Variants in OTULIN observed in about 807,000 individuals in gnomAD.
OTULIN encodes ubiquitin thioesterase otulin.
Under a neutral mutation model 39.6 loss-of-function variants are expected in OTULIN, and 15 were observed. The observed-to-expected ratio is 0.38, with a 90% confidence interval of 0.25 to 0.58. The LOEUF is 0.58. Ranked by LOEUF, OTULIN falls within the 20% of genes least tolerant of loss-of-function variation. OTULIN has a pLI of 0.66. For missense variants in OTULIN, 319 were observed against 445.9 expected (o/e 0.72, Z 2.56); for synonymous variants, 156 against 170.3 (o/e 0.92, Z 0.65).
rs181297196 is a variant in OTULIN, at chr5:14,664,724, C to G, written c.-102C>G. The G allele has an allele frequency of 2.8e-6, 3 of 1,067,856 alleles. No homozygotes were observed. Among genetic ancestry groups the G allele is most frequent in the Non-Finnish European group, 3.4e-6 (3 of 878,736 alleles). The allele number at this position is 1,067,856 out of a possible 1,614,324, so 66.1% of individuals were successfully genotyped here. ...AAGCGCTCTGCGGGCCCTCGGAAAC[C>G]GCCCCGGCGGCTGAGAGGCTGCGGC... On this transcript the variant is annotated 5_prime_UTR_variant, in exon 1 of 7. Transcript: ENST00000284274.
At chr5:14,669,883 G>A (rs1156824906) in intron 1 of OTULIN, among the ~76,000 whole-genome samples, 1 of 152,206 alleles carries the variant, frequency 6.6e-6, no homozygotes, top group African/African-American at 2.4e-5. Context: ...AGGGTAATTA[G>A]CATGTCCATC....
chr5:14,713,545 C>T, the OTULIN span: 1 of 1,614,158 alleles, frequency 6.2e-7, no homozygotes, highest in Non-Finnish European at 8.5e-7. This position sits in a 1 kb window ranked among gnomAD's most constrained non-coding sequence, Gnocchi z 4.4. Context: ...ACAACATACC[C>T]CAGGTAGGGT....
At position 14,673,675 on chromosome 5, in the gene OTULIN, A is replaced by G; in HGVS notation, c.186A>G (p.Ile62Met). 1 of 1,613,866 alleles carries G rather than the reference A, an allele frequency of 6.2e-7. No homozygotes were observed. Among genetic ancestry groups the G allele is most frequent in the Non-Finnish European group, 8.5e-7 (1 of 1,179,868 alleles). The change falls in exon 2 of 7, where the codon ATA becomes ATG. Residue 62 changes from isoleucine (I) to methionine (M), a missense_variant. This residue lies in a region of OTULIN where 132 missense variants were observed against 143.7 expected (regional missense o/e 0.92). Transcript: ENST00000284274. ...EEDMYRAADE[I>M]EKEKELLIHE... ...ACATGTACCGTGCTGCAGATGAAAT[A>G]GAAAAGGAGAAAGAATTGCTTATAC...
At position 14,696,984 on chromosome 5, in the gene OTULIN, T is replaced by A. The variant is rs1298835769; in HGVS notation, c.*3936T>A. The stretch of plus-strand genomic sequence containing the variant: ...TAAACTGGTTTGACAGCCTGCCACT[T>A]CTGGCATTTCCTGTAAGTCACTAGC... On this transcript the variant is annotated 3_prime_UTR_variant, in exon 7 of 7. Coordinates refer to ENST00000284274, the MANE Select transcript of OTULIN (RefSeq NM_138348.6). The A allele has an allele frequency of 6.6e-6, 1 of 152,298 alleles. No individual in the cohort carries two copies. Among genetic ancestry groups the A allele is most frequent in the African/African-American group, 2.4e-5 (1 of 41,464 alleles). The allele number at this position is 152,298 out of a possible 1,614,324, so 9.4% of individuals were successfully genotyped here.
chr5:14,675,727 A>AAAAG (rs1736088236), intron 2 of OTULIN, among the ~76,000 whole-genome samples: 1 of 152,178 alleles, frequency 6.6e-6, no homozygotes, highest in Admixed American at 6.5e-5. Context: ...GGATCCCTTT[A>AAAAG]CACTTCTCAC....
rs764803543 is a variant in OTULIN, at chr5:14,687,512, A to G, written c.469-9A>G. ...CACTTCTTTATCTCTTTGTTTCTCG[A>G]TGTTGTAGTTACCAGAAAAACTCAT... is the stretch of plus-strand genomic sequence containing the variant. On this transcript the variant is annotated splice_polypyrimidine_tract_variant and intron_variant, in intron 4 of 6. Coordinates refer to ENST00000284274, the MANE Select transcript of OTULIN (RefSeq NM_138348.6). 1 of 1,611,142 alleles carries G rather than the reference A, an allele frequency of 6.2e-7. No individual in the cohort carries two copies. The highest frequency in any genetic ancestry group is 1.7e-5 in the Admixed American group (1 of 59,264).
chr5:14,684,100 T>C (rs1443350398), intron 4 of OTULIN, among the ~76,000 whole-genome samples: 1 of 152,262 alleles, frequency 6.6e-6, no homozygotes, highest in African/African-American at 2.4e-5. Context: ...TCAGCTATTA[T>C]ATTTTTCTGG....
downstream of OTULIN, among the ~76,000 whole-genome samples, chr5:14,703,523 TGAG>T (rs1417125749): frequency 1.3e-5 from 2 of 152,078 alleles, no homozygotes; most frequent in South Asian, 2.1e-4. Context: ...GGTGGGGGGT[TGAG>T]GAGGAGGTTT....
chr5:14,689,452 G>A (rs1237277480), intron 5 of OTULIN, among the ~76,000 whole-genome samples: 1 of 152,186 alleles, frequency 6.6e-6, no homozygotes, highest in African/African-American at 2.4e-5. Context: ...TAAAGAGTTT[G>A]TCTATATTCA....
the OTULIN span, chr5:14,707,869 A>G: frequency 1.3e-5 from 2 of 152,232 alleles, no homozygotes; most frequent in Non-Finnish European, 2.9e-5. Context: ...AAGGAAGAGT[A>G]ACTTTGGCAC....
Position 14,664,883 on chromosome 5 carries a change from A to T in OTULIN, c.58A>T (p.Thr20Ser). Residue 20 changes from threonine to serine, a missense_variant, in exon 1 of 7, where the codon ACG becomes TCG. Coordinates refer to ENST00000284274, the MANE Select transcript of OTULIN (RefSeq NM_138348.6). ...EAWPGASCAE[T>S]PAREAAATAR... is the part of the protein sequence containing the mutation. ...GTGGCCAGGCGCGAGCTGCGCCGAG[A>T]CGCCGGCGCGGGAGGCGGCGGCCAC... 1 of 1,190,932 alleles carries T rather than the reference A, an allele frequency of 8.4e-7. No homozygotes were observed. Among genetic ancestry groups the T allele is most frequent in the Non-Finnish European group, 1.0e-6 (1 of 962,416 alleles). 73.8% of individuals were successfully genotyped at this position (1,190,932 alleles called of 1,614,324 possible). A position where few individuals can be genotyped will look rare whatever the true frequency, so the allele number is the denominator to read the frequency against.
chr5:14,685,770 T>C (rs1438715679), intron 4 of OTULIN, among the ~76,000 whole-genome samples: 1 of 147,522 alleles, frequency 6.8e-6, no homozygotes, highest in African/African-American at 2.5e-5. Context: ...CTTCTGGGCT[T>C]CCCTTCACCT....
At chr5:14,676,267 C>T (rs1344646605) in intron 2 of OTULIN, among the ~76,000 whole-genome samples, 1 of 152,048 alleles carries the variant, frequency 6.6e-6, no homozygotes, top group African/African-American at 2.4e-5. Flanking sequence ...ATTTTTTTGC[C>T]ATTAGAAATG....
the OTULIN span, chr5:14,709,898 T>C: frequency 1.3e-5 from 2 of 152,620 alleles, no homozygotes; most frequent in East Asian, 3.8e-4. Flanking sequence ...ATATACAGCA[T>C]ATATTTATAT....
At position 14,696,475 on chromosome 5, in the gene OTULIN, G is replaced by T. The variant is rs548152227; in HGVS notation, c.*3427G>T. 6.6e-5 allele frequency: 10 copies of T among 152,314 alleles called. No individual in the cohort carries two copies. The highest frequency in any genetic ancestry group is 2.4e-4 in the African/African-American group (10 of 41,560). 9.4% of individuals were successfully genotyped at this position (152,314 alleles called of 1,614,324 possible). On this transcript the variant is annotated 3_prime_UTR_variant, in exon 7 of 7. Coordinates refer to ENST00000284274, the MANE Select transcript of OTULIN (RefSeq NM_138348.6). ...TACTTAAAAAGAAAGCCCTCAGTGT[G>T]TGTGAAGTGAATGTGAAATGTGTGT...
rs554605767 is a variant in OTULIN at position 14,694,623 on chromosome 5, C to T, written c.*1575C>T. 5 of 152,682 alleles carry T rather than the reference C, an allele frequency of 3.3e-5. No homozygotes were observed. In the East Asian group the frequency reaches 9.6e-4, roughly 29 times the overall value. The allele number at this position is 152,682 out of a possible 1,614,324, so 9.5% of individuals were successfully genotyped here. On this transcript the variant is annotated 3_prime_UTR_variant, in exon 7 of 7. Transcript: ENST00000284274. The stretch of plus-strand genomic sequence containing the variant: ...GTCTTAGTTAAGAAAACTCAGGATG[C>T]ACAAAACTATTCAGACTGTTACTTT...
At chr5:14,709,774 C>G in the OTULIN span, 1 of 152,510 alleles carries the variant, frequency 6.6e-6, no homozygotes, top group African/African-American at 2.4e-5. Flanking sequence ...TGATACAATA[C>G]GTTTCAACTG....
At chr5:14,682,119 C>T (rs888403430) in intron 4 of OTULIN, among the ~76,000 whole-genome samples, 3 of 152,196 alleles carry the variant, frequency 2.0e-5, no homozygotes, top group African/African-American at 7.2e-5. Context: ...AGGCCTGGCC[C>T]TCTTTAGCGT....
In OTULIN at chr5:14,692,228, A is replaced by G. The variant is rs375618447; in HGVS notation, c.865-626A>G. 3.7e-4 allele frequency among the ~76,000 whole-genome samples: 56 copies of G among 152,314 alleles called. No homozygotes were observed. In the East Asian group the frequency reaches 8.1e-3, roughly 22 times the overall value. On this transcript the variant is annotated intron_variant, in intron 6 of 6. Coordinates refer to ENST00000284274, the MANE Select transcript of OTULIN (RefSeq NM_138348.6). The stretch of plus-strand genomic sequence containing the variant: ...GTCCTGTTTCACCATATCTTCACCA[A>G]CACTTCTGACTTTTTGTATTGGGGT...
Sources: gnomAD v4.1 joint callset for allele counts (sites outside exome capture counted in the v4.1 genomes callset) on GRCh38, gnomAD v4.1.1 for gene constraint, gnomAD v4.1.1 regional missense constraint, Gnocchi (gnomAD v3.1) non-coding constraint, MANE v1.5 for transcripts, NCBI Gene and HGNC (gene_info 2026-07-23, HGNC 2026-07-21) for gene names.